CHRDL1: variants seen among roughly 807,000 people sequenced by gnomAD.
CHRDL1 encodes chordin like 1.
A neutral mutation model predicts 40.9 loss-of-function variants in CHRDL1; 19 were observed. The observed-to-expected ratio is 0.46, with a 90% CI of 0.32 to 0.68. The LOEUF (loss-of-function observed/expected upper bound fraction) is 0.68. Ranked by LOEUF, CHRDL1 falls within the 30% of genes least tolerant of loss-of-function variation. The probability of loss-of-function intolerance (pLI) is 0.03; values close to 1 mark genes in which losing one functional copy is unlikely to be tolerated. For missense variants in CHRDL1, 329 were observed against 352.1 expected (o/e 0.93, Z 0.53); for synonymous variants, 136 against 123.4 (o/e 1.10, Z -0.68).
chrX:110,691,061 G>A (rs1200373118), intron 8 of CHRDL1, among the ~76,000 whole-genome samples: 1 of 109,284 alleles, frequency 9.2e-6, no homozygotes, highest in African/African-American at 3.3e-5. Flanking sequence ...ATAATAATAC[G>A]AAAGTCGCCA....
intron 8 of CHRDL1, 62 bp downstream of exon 8, chrX:110,694,101 T>G (rs1044773015): frequency 1.1e-5 from 11 of 967,534 alleles, no homozygotes; most frequent in Non-Finnish European, 1.4e-5. Context: ...GCTCCAGCCC[T>G]GCAAAGACCA....
intron 6 of CHRDL1, among the ~76,000 whole-genome samples, chrX:110,712,234 T>C (rs904109112): frequency 1.1e-4 from 12 of 112,080 alleles, no homozygotes; most frequent in Non-Finnish European, 1.5e-4. Context: ...ACTAGAGTGA[T>C]TGGGCAAAAC....
intron 2 of CHRDL1, among the ~76,000 whole-genome samples, chrX:110,764,981 C>T (rs1157362513): frequency 9.0e-6 from 1 of 111,715 alleles, no homozygotes; most frequent in African/African-American, 3.3e-5. Flanking sequence ...TTTATCAAGA[C>T]AATAAGTGCA....
intron 8 of CHRDL1, among the ~76,000 whole-genome samples, chrX:110,689,939 A>C (rs866424496): frequency 1.7e-4 from 9 of 53,540 alleles, no homozygotes; most frequent in African/African-American, 7.7e-4. Context: ...ATCTATATAT[A>C]TCTATATATC....
chrX:110,788,916 T>C (rs941328065), intron 2 of CHRDL1, among the ~76,000 whole-genome samples: 1 of 111,335 alleles, frequency 9.0e-6, no homozygotes, highest in Non-Finnish European at 1.9e-5. Context: ...CATAAAATTA[T>C]GGCAGCAGTA....
chrX:110,768,478 T>G (rs2089700405), intron 2 of CHRDL1, among the ~76,000 whole-genome samples: 1 of 110,451 alleles, frequency 9.1e-6, no homozygotes, highest in East Asian at 2.9e-4. Context: ...GAGATTAACA[T>G]TTGAGTCAGT....
intron 2 of CHRDL1, among the ~76,000 whole-genome samples, chrX:110,770,820 G>C (rs983195179): frequency 8.9e-6 from 1 of 111,818 alleles, no homozygotes; most frequent in African/African-American, 3.3e-5. Context: ...TTCTTTGAAA[G>C]ACACACATTA....
intron 4 of CHRDL1, among the ~76,000 whole-genome samples, chrX:110,757,094 T>C (rs886935188): frequency 3.6e-5 from 4 of 111,229 alleles, no homozygotes; most frequent in Non-Finnish European, 7.6e-5. Flanking sequence ...TGAAGTAATA[T>C]ATCATTTTAG....
At position 110,705,346 on chromosome X, in the gene CHRDL1, T is replaced by C. The variant is rs890420238; in HGVS notation, c.542-4625A>G. ...ATATACACACATATATATACACATA[T>C]ATATATATACACACACACATATATA... On this transcript the variant is annotated intron_variant, in intron 6 of 11. Transcript: ENST00000372042. Among the ~76,000 whole-genome samples, 19 of 93,621 alleles carry C rather than the reference T, an allele frequency of 2.0e-4. 1 individual carries two copies. In the Admixed American group the frequency reaches 2.2e-3, roughly 11 times the overall value. 81.3% of individuals were successfully genotyped at this position (93,621 alleles called of 115,157 possible).
intron 2 of CHRDL1, among the ~76,000 whole-genome samples, chrX:110,765,078 T>C (rs1335754192): frequency 8.9e-6 from 1 of 111,917 alleles, no homozygotes; most frequent in Non-Finnish European, 1.9e-5. Context: ...GTTTCTGATT[T>C]TGCCCTTGTC....
rs1168072528 is a variant in CHRDL1, at chrX:110,689,524, CTA to C, written c.779-723_779-722del. 3.5e-4 allele frequency among the ~76,000 whole-genome samples: 8 copies of C among 22,828 alleles called. No homozygotes were observed. The African/African-American group carries it at 4.9e-3, about 14-fold the overall frequency. 19.8% of individuals were successfully genotyped at this position (22,828 alleles called of 115,157 possible). A position where few individuals can be genotyped will look rare whatever the true frequency, so the allele number is the denominator to read the frequency against. ...TCTATATATCTATATCTCTATATAT[CTA>C]TCTATATATCTCTATATCTCTATAT... On this transcript the variant is annotated intron_variant, in intron 8 of 11. Transcript: ENST00000372042.
intron 11 of CHRDL1, among the ~76,000 whole-genome samples, chrX:110,678,315 G>A (rs766110092): frequency 1.8e-5 from 2 of 111,661 alleles, no homozygotes; most frequent in East Asian, 5.7e-4. Flanking sequence ...TATGCTATTT[G>A]CAGCAACTAC....
chrX:110,791,071 C>T (rs189749904), intron 2 of CHRDL1, among the ~76,000 whole-genome samples: 3 of 110,397 alleles, frequency 2.7e-5, no homozygotes, highest in African/African-American at 9.9e-5. Flanking sequence ...TGTCAGCAAG[C>T]CTTCTGCCTG....
intron 4 of CHRDL1, among the ~76,000 whole-genome samples, chrX:110,728,173 T>C (rs953966412): frequency 7.3e-4 from 81 of 110,662 alleles, no homozygotes; most frequent in African/African-American, 2.2e-3. Context: ...TGGAAAGATA[T>C]ATAACCACTA....
At chrX:110,677,148 G>A (rs1277797034) in intron 11 of CHRDL1, among the ~76,000 whole-genome samples, 1 of 111,221 alleles carries the variant, frequency 9.0e-6, no homozygotes, top group African/African-American at 3.3e-5. Flanking sequence ...GCCCAAACCT[G>A]TCTTGAACCT....
intron 4 of CHRDL1, among the ~76,000 whole-genome samples, chrX:110,758,944 G>C (rs1265273281): frequency 9.0e-6 from 1 of 111,630 alleles, no homozygotes; most frequent in African/African-American, 3.3e-5. Flanking sequence ...CTTTTTCTAG[G>C]ATTGCCACTG....
chrX:110,751,911 A>G (rs2089366026), intron 4 of CHRDL1, among the ~76,000 whole-genome samples: 1 of 112,260 alleles, frequency 8.9e-6, no homozygotes, highest in African/African-American at 3.2e-5. Flanking sequence ...AAAATGTGGT[A>G]TATATACACA....
intron 2 of CHRDL1, among the ~76,000 whole-genome samples, chrX:110,764,359 G>T (rs2089621928): frequency 8.9e-6 from 1 of 112,297 alleles, no homozygotes; most frequent in Non-Finnish European, 1.9e-5. Flanking sequence ...CGAACAGAGG[G>T]ACTGGCTGGA....
chrX:110,723,284 G>A lies in CHRDL1; in HGVS notation c.302-1754C>T, dbSNP rs770866151. ...AACAAACAGACAAACAAACAAACAAGCAAAAAGAATGAAATTATTCTCAGT... is the reference window on the plus strand; with the variant it reads ...AACAAACAGACAAACAAACAAACAAACAAAAAGAATGAAATTATTCTCAGT... On this transcript the variant is annotated intron_variant, in intron 4 of 11. Coordinates refer to ENST00000372042, the MANE Select transcript of CHRDL1 (RefSeq NM_001143981.2). Among the ~76,000 whole-genome samples the A allele has an allele frequency of 3.6e-5, 4 of 110,577 alleles. No individual in the cohort carries two copies. The South Asian group carries it at 1.6e-3, about 43-fold the overall frequency.
Sources: allele counts gnomAD v4.1 joint callset (sites outside exome capture counted in the v4.1 genomes callset), GRCh38; gene constraint gnomAD v4.1.1; transcripts MANE v1.5; gene names NCBI Gene and HGNC (gene_info 2026-07-23, HGNC 2026-07-21).